The following ABCC2 variants were observed in gnomAD, a reference collection of about 807,000 sequenced individuals.
The protein encoded by ABCC2 is ATP binding cassette subfamily C member 2.
Under a neutral mutation model 173.4 loss-of-function variants are expected in ABCC2, and 157 were observed. That is an observed-to-expected ratio of 0.91 (90% CI 0.80 to 1.03). ABCC2 has a LOEUF of 1.03. ABCC2 is among the 50% of genes least tolerant of loss of function. The pLI, the probability that ABCC2 is intolerant of heterozygous loss-of-function variation, is 0.00. For missense variants in ABCC2, 1,822 were observed against 1,852.3 expected (o/e 0.98, Z 0.30); for synonymous variants, 657 against 693.5 (o/e 0.95, Z 0.83).
At chr10:99,791,806 T>A (rs1334110239) in intron 2 of ABCC2, among the ~76,000 whole-genome samples, 1 of 152,222 alleles carries the variant, frequency 6.6e-6, no homozygotes, top group African/African-American at 2.4e-5. Flanking sequence ...GGTAGCTTTC[T>A]CCAGAGTGAG....
rs754056585 is a variant in ABCC2, at chr10:99,850,748, C to CA, written c.4461dup (p.Val1488SerfsTer15). The CA allele has an allele frequency of 6.2e-7, 1 of 1,614,180 alleles. No homozygotes were observed. The highest frequency in any genetic ancestry group is 1.1e-5 in the South Asian group (1 of 91,086). On this transcript the variant is annotated frameshift_variant, in exon 31 of 32. Transcript: ENST00000647814. LOFTEE classifies it high-confidence loss of function. ...ATCCAAAACGAGTTCGCCCACTGCACAGTGATCACCATCGCCCACAGGCTG... is the reference window on the plus strand; with the variant it reads ...ATCCAAAACGAGTTCGCCCACTGCACAAGTGATCACCATCGCCCACAGGCTG...
chr10:99,802,957 CTTTTA>C (rs1318744621), intron 9 of ABCC2, among the ~76,000 whole-genome samples: 4 of 152,108 alleles, frequency 2.6e-5, no homozygotes, highest in Non-Finnish European at 5.9e-5. Context: ...ACACGAAAGT[CTTTTA>C]TTTTATTTTA....
intron 16 of ABCC2, among the ~76,000 whole-genome samples, chr10:99,814,794 C>CGT (rs1564686229): frequency 2.4e-4 from 22 of 90,734 alleles, no homozygotes; most frequent in African/African-American, 4.9e-4. Context: ...TACACACACA[C>CGT]ATATGTGTGT....
At chr10:99,792,212 A>G (rs772963204) in intron 2 of ABCC2, 22 bp from the exon 3 acceptor site, 4 of 1,613,542 alleles carry the variant, frequency 2.5e-6, no homozygotes, top group Non-Finnish European at 2.5e-6. Flanking sequence ...TCCTCTTAAC[A>G]GTGGTCTTTT....
chr10:99,804,207 T>C lies in ABCC2; in HGVS notation c.1398T>C (p.Gly466=). The C allele has an allele frequency of 6.2e-7, 1 of 1,614,094 alleles. No individual in the cohort carries two copies. Among genetic ancestry groups the C allele is most frequent in the Non-Finnish European group, 8.5e-7 (1 of 1,180,002 alleles). Reference sequence around the variant, plus strand: ...AGTTGGGACCCTCAGTCTTAGCAGGTGTTGGGGTGATGGTGCTTGTAATCC... The same window carrying C: ...AGTTGGGACCCTCAGTCTTAGCAGGCGTTGGGGTGATGGTGCTTGTAATCC... ...WRELGPSVLA[G]VGVMVLVIPI... The change falls in exon 10 of 32, where the codon GGT becomes GGC. Residue 466 remains glycine, a synonymous_variant. Coordinates refer to ENST00000647814, the MANE Select transcript of ABCC2 (RefSeq NM_000392.5).
intron 26 of ABCC2, 106 bp downstream of exon 26, chr10:99,842,199 G>A (rs746131124): frequency 5.3e-6 from 8 of 1,519,546 alleles, no homozygotes; most frequent in Non-Finnish European, 7.2e-6. Context: ...TAAACCCAGA[G>A]GGACTAAAGA....
chr10:99,827,756 T>G (rs1439689777), intron 19 of ABCC2, among the ~76,000 whole-genome samples: 1 of 151,034 alleles, frequency 6.6e-6, no homozygotes. Context: ...TTTAAAAGAA[T>G]TTTAATAAAG....
rs116038575 is a variant in ABCC2 at position 99,811,611 on chromosome 10, C to T, written c.1967+9C>T. On this transcript the variant is annotated intron_variant, in intron 15 of 31. Transcript: ENST00000647814. ...GAAGCCACAGTCCGAGAGTGAGTTGCCTTCTTTCCATCCTAATGTTCTTTA... is the reference window on the plus strand; with the variant it reads ...GAAGCCACAGTCCGAGAGTGAGTTGTCTTCTTTCCATCCTAATGTTCTTTA... 9.3e-6 allele frequency: 15 copies of T among 1,613,996 alleles called. No individual in the cohort carries two copies. The African/African-American group carries it at 1.9e-4, about 20-fold the overall frequency.
At chr10:99,790,494 T>A (rs2037793561) in intron 2 of ABCC2, among the ~76,000 whole-genome samples, 1 of 152,200 alleles carries the variant, frequency 6.6e-6, no homozygotes, top group African/African-American at 2.4e-5. Context: ...TTATATGAGT[T>A]TAATATATAT....
rs2037972689 is a variant in ABCC2 at position 99,799,296 on chromosome 10, C to T, written c.957C>T (p.Tyr319=). ...WLMKALFKTF[Y]MVLLKSFLLK... ...TGAAGGCTCTGTTCAAAACTTTCTA[C>T]ATGGTGCTCCTGAAATCATTCCTAC... Residue 319 remains tyrosine (Y), a synonymous_variant, in exon 8 of 32, where the codon TAC becomes TAT. Coordinates refer to ENST00000647814, the MANE Select transcript of ABCC2 (RefSeq NM_000392.5). The T allele has an allele frequency of 1.9e-6, 3 of 1,614,184 alleles. No individual in the cohort carries two copies. Among genetic ancestry groups the T allele is most frequent in the East Asian group, 2.2e-5 (1 of 44,880 alleles).
intron 2 of ABCC2, chr10:99,789,152 T>C (rs1452746512): frequency 6.6e-6 from 1 of 152,390 alleles, no homozygotes; most frequent in African/African-American, 2.4e-5. Context: ...CTTATCTTCA[T>C]TCTTCACTGT....
chr10:99,847,200 G>A, intron 30 of ABCC2, 73 bp downstream of exon 30: 1 of 1,529,992 alleles, frequency 6.5e-7, no homozygotes, highest in Non-Finnish European at 9.0e-7. Context: ...TGTTCCTCGT[G>A]TTAGGTGATG....
intron 30 of ABCC2, among the ~76,000 whole-genome samples, chr10:99,848,819 T>C (rs2039052470): frequency 6.6e-6 from 1 of 152,186 alleles, no homozygotes; most frequent in African/African-American, 2.4e-5. Flanking sequence ...CAAGCCCTGG[T>C]AGAGAACATC....
intron 30 of ABCC2, among the ~76,000 whole-genome samples, chr10:99,850,162 A>G (rs972761740): frequency 6.6e-6 from 1 of 152,246 alleles, no homozygotes; most frequent in Non-Finnish European, 1.5e-5. Context: ...TCCACCCTAT[A>G]TTAATGGCTT....
chr10:99,830,483 T>A, intron 20 of ABCC2, 50 bp downstream of exon 20: 2 of 1,613,740 alleles, frequency 1.2e-6, no homozygotes, highest in Non-Finnish European at 1.7e-6. Flanking sequence ...TATTTCCACT[T>A]GATCTTTTTC....
chr10:99,795,621 C>T lies in ABCC2; in HGVS notation c.632+1153C>T, dbSNP rs1029419674. ...GGCTGAGACAGAAGAATTGCTTGAA[C>T]CTGGGAGGCAGAGGTTGCTGTGAGC... On this transcript the variant is annotated intron_variant, in intron 6 of 31. Coordinates refer to ENST00000647814, the MANE Select transcript of ABCC2 (RefSeq NM_000392.5). 1.7e-4 allele frequency among the ~76,000 whole-genome samples: 26 copies of T among 151,772 alleles called. No homozygotes were observed. The South Asian group carries it at 2.5e-3, about 15-fold the overall frequency.
chr10:99,814,256 T>TGC (rs2038297844), intron 16 of ABCC2, among the ~76,000 whole-genome samples: 12 of 34,906 alleles, frequency 3.4e-4, no homozygotes, highest in South Asian at 1.5e-3. Flanking sequence ...CACGTATGTA[T>TGC]ACACACGTAT....
chr10:99,802,884 AAC>A (rs1245994851), intron 9 of ABCC2, among the ~76,000 whole-genome samples: 4 of 152,226 alleles, frequency 2.6e-5, no homozygotes, highest in Non-Finnish European at 5.9e-5. Flanking sequence ...TGACCTCTCT[AAC>A]ATGAGAACAG....
At position 99,851,637 on chromosome 10, in the gene ABCC2, G is replaced by C; in HGVS notation, c.*6G>C. 6.2e-7 allele frequency: 1 copy of C among 1,613,732 alleles called. No individual in the cohort carries two copies. Among genetic ancestry groups the C allele is most frequent in the South Asian group, 1.1e-5 (1 of 91,034 alleles). On this transcript the variant is annotated 3_prime_UTR_variant, in exon 32 of 32. Transcript: ENST00000647814. ...TGAACAGCACAAAATTCTAGCAGAAGGCCCCATGGGTTAGAAAAGGACTAT... is the reference window on the plus strand; with the variant it reads ...TGAACAGCACAAAATTCTAGCAGAACGCCCCATGGGTTAGAAAAGGACTAT...
Sources: allele counts gnomAD v4.1 joint callset (sites outside exome capture counted in the v4.1 genomes callset), GRCh38; gene constraint gnomAD v4.1.1; transcripts MANE v1.5; gene names NCBI Gene and HGNC (gene_info 2026-07-23, HGNC 2026-07-21).